ATP10A: variants seen among roughly 807,000 people sequenced by gnomAD.
ATP10A encodes ATPase phospholipid transporting 10A (putative), also known as phospholipid-transporting ATPase VA.
Under a neutral mutation model 147.8 loss-of-function variants are expected in ATP10A, and 111 were observed. The observed-to-expected ratio is 0.75, with a 90% CI of 0.64 to 0.88. The LOEUF (loss-of-function observed/expected upper bound fraction) is 0.88. Among genes scored for constraint, ATP10A ranks in the 40% least tolerant of loss-of-function variants. ATP10A has a pLI of 0.00. For missense variants in ATP10A, 1,927 were observed against 1,959.0 expected (o/e 0.98, Z 0.31); for synonymous variants, 875 against 841.6 (o/e 1.04, Z -0.69).
chr15:25,683,204 G>C, intron 17 of ATP10A, 82 bp downstream of exon 17: 2 of 1,340,888 alleles, frequency 1.5e-6, no homozygotes, highest in Non-Finnish European at 2.1e-6. Flanking sequence ...CTGAAGGGAG[G>C]CTGGGGGACT....
Position 25,727,178 on chromosome 15 carries a change from C to G in ATP10A, c.829G>C (p.Gly277Arg). Residue 277 changes from glycine to arginine, a missense_variant, in exon 4 of 21, where the codon GGC becomes CGC. Coordinates refer to ENST00000555815, the MANE Select transcript of ATP10A (RefSeq NM_024490.4). ...CTLRNTDAVVGIVIYAGHETK... is the reference protein window; with the variant it reads ...CTLRNTDAVVRIVIYAGHETK... The stretch of plus-strand genomic sequence containing the variant: ...AGCCTACCTGCGTAGATGACAATGC[C>G]GACGACTGCGTCCGTGTTCCTAAGG... The G allele has an allele frequency of 6.2e-7, 1 of 1,614,136 alleles. No individual in the cohort carries two copies. Among genetic ancestry groups the G allele is most frequent in the Non-Finnish European group, 8.5e-7 (1 of 1,180,022 alleles).
intron 3 of ATP10A, among the ~76,000 whole-genome samples, chr15:25,732,474 C>T (rs1187445939): frequency 6.6e-6 from 1 of 152,030 alleles, no homozygotes. Flanking sequence ...CTATCTCATT[C>T]CACACCCCCA....
chr15:25,761,326 G>A (rs1023875540), intron 2 of ATP10A, among the ~76,000 whole-genome samples: 2 of 152,190 alleles, frequency 1.3e-5, no homozygotes, highest in African/African-American at 2.4e-5. Context: ...AGACATACCC[G>A]AGACTGGGTA....
chr15:25,779,719 T>A lies in ATP10A; in HGVS notation c.654+1300A>T, dbSNP rs182593972. On this transcript the variant is annotated intron_variant, in intron 2 of 20. Coordinates refer to ENST00000555815, the MANE Select transcript of ATP10A (RefSeq NM_024490.4). ...CTAACTCTTTCACCAGCTCTCCTGA[T>A]CTAAATGAGAGCACTCCATTAACAA... is the stretch of plus-strand genomic sequence containing the variant. 9.6e-4 allele frequency among the ~76,000 whole-genome samples: 146 copies of A among 152,330 alleles called. 1 individual carries two copies. The East Asian group carries it at 0.026, about 27-fold the overall frequency.
intron 1 of ATP10A, among the ~76,000 whole-genome samples, chr15:25,840,550 A>G (rs1404263328): frequency 6.6e-6 from 1 of 151,972 alleles, no homozygotes; most frequent in Non-Finnish European, 1.5e-5. Flanking sequence ...TTAACCACTT[A>G]CCTTTTGAGG....
intron 1 of ATP10A, among the ~76,000 whole-genome samples, chr15:25,801,282 CG>C (rs1890925757): frequency 2.6e-5 from 4 of 152,048 alleles, no homozygotes; most frequent in African/African-American, 9.7e-5. Context: ...CACTTGGGTT[CG>C]GGGCATGAGG....
intron 2 of ATP10A, among the ~76,000 whole-genome samples, chr15:25,757,807 C>T (rs865991525): frequency 6.6e-6 from 1 of 151,992 alleles, no homozygotes; most frequent in Non-Finnish European, 1.5e-5. Flanking sequence ...GTAAAGCAAC[C>T]TTTTTTGATC....
rs547356724 is a variant in ATP10A at position 25,761,810 on chromosome 15, A to C, written c.654+19209T>G. Among the ~76,000 whole-genome samples the C allele has an allele frequency of 3.3e-5, 5 of 152,352 alleles. No homozygotes were observed. In the East Asian group the frequency reaches 9.6e-4, roughly 29 times the overall value. ...CTTTTGATTTTATAGTCTCATAGGCAGAAGGGACTTGCTTTGTCTCAAATG... is the reference window on the plus strand; with the variant it reads ...CTTTTGATTTTATAGTCTCATAGGCCGAAGGGACTTGCTTTGTCTCAAATG... On this transcript the variant is annotated intron_variant, in intron 2 of 20. Transcript: ENST00000555815.
intron 1 of ATP10A, among the ~76,000 whole-genome samples, chr15:25,832,981 CTTTTT>C (rs202037774): frequency 8.1e-6 from 1 of 124,220 alleles, no homozygotes. Context: ...CTATTTTATT[CTTTTT>C]TTTTTTTTTT....
intron 1 of ATP10A, among the ~76,000 whole-genome samples, chr15:25,861,267 T>TAAA: frequency 1.3e-5 from 2 of 152,204 alleles, no homozygotes; most frequent in Admixed American, 1.3e-4. Flanking sequence ...ACTGTAATTT[T>TAAA]AACAAGCGCC....
At chr15:25,855,749 T>C (rs994403624) in intron 1 of ATP10A, among the ~76,000 whole-genome samples, 1 of 152,166 alleles carries the variant, frequency 6.6e-6, no homozygotes, top group Admixed American at 6.5e-5. Flanking sequence ...TGAAAGGGAA[T>C]AAGTAAAACT....
At chr15:25,760,036 G>A (rs58407836) in intron 2 of ATP10A, among the ~76,000 whole-genome samples, 45 of 151,390 alleles carry the variant, frequency 3.0e-4, no homozygotes, top group African/African-American at 1.1e-3. Context: ...GCGCGATCTC[G>A]GCTCACTGCA....
intron 1 of ATP10A, among the ~76,000 whole-genome samples, chr15:25,860,381 G>A (rs182099387): frequency 6.6e-6 from 1 of 152,252 alleles, no homozygotes; most frequent in Non-Finnish European, 1.5e-5. Flanking sequence ...GACTTCACCT[G>A]GTAGACATGC....
intron 1 of ATP10A, among the ~76,000 whole-genome samples, chr15:25,811,694 A>T (rs1019212980): frequency 1.3e-5 from 2 of 152,146 alleles, no homozygotes; most frequent in African/African-American, 4.8e-5. Context: ...AAACGCTGGG[A>T]GCCCAGAGAC....
At chr15:25,760,006 C>T (rs974405727) in intron 2 of ATP10A, among the ~76,000 whole-genome samples, 4 of 151,300 alleles carry the variant, frequency 2.6e-5, no homozygotes, top group African/African-American at 4.9e-5. Flanking sequence ...CTCACTCCGT[C>T]GCCAGGCTGG....
At chr15:25,742,242 G>A (rs1887618857) in intron 2 of ATP10A, among the ~76,000 whole-genome samples, 1 of 152,200 alleles carries the variant, frequency 6.6e-6, no homozygotes, top group African/African-American at 2.4e-5. Context: ...CCAGGCCTCC[G>A]CAGTCCTCTT....
At chr15:25,761,000 A>G (rs1232246467) in intron 2 of ATP10A, among the ~76,000 whole-genome samples, 1 of 152,208 alleles carries the variant, frequency 6.6e-6, no homozygotes, top group African/African-American at 2.4e-5. Flanking sequence ...TCACAACCAA[A>G]AATTGTAAAC....
intron 1 of ATP10A, among the ~76,000 whole-genome samples, chr15:25,837,309 T>C (rs954324631): frequency 1.3e-5 from 2 of 152,182 alleles, no homozygotes; most frequent in Non-Finnish European, 2.9e-5. Context: ...AAGAAAATTG[T>C]ATATACACAC....
At chr15:25,685,027 ACCC>A (rs1321462869) in intron 16 of ATP10A, among the ~76,000 whole-genome samples, 1 of 151,774 alleles carries the variant, frequency 6.6e-6, no homozygotes, top group East Asian at 1.9e-4. Flanking sequence ...TCGCTCACTC[ACCC>A]CCGCAGGCTT....
Sources: allele counts gnomAD v4.1 joint callset (sites outside exome capture counted in the v4.1 genomes callset), GRCh38; gene constraint gnomAD v4.1.1; transcripts MANE v1.5; gene names NCBI Gene and HGNC (gene_info 2026-07-23, HGNC 2026-07-21).